SUMF2: variants seen among roughly 807,000 people sequenced by gnomAD.
The protein encoded by SUMF2 is sulfatase modifying factor 2.
In SUMF2, 45 loss-of-function variants were observed where a neutral mutation model predicts 44.8. The ratio of observed to expected loss-of-function variants is 1.00; its 90% CI spans 0.79 to 1.29. The LOEUF is 1.29. Ranked by LOEUF, SUMF2 falls within the 50% of genes most tolerant of loss-of-function variation. The pLI, the probability that SUMF2 is intolerant of heterozygous loss-of-function variation, is 0.00. For synonymous variants in SUMF2, 148 were observed against 150.4 expected, an observed-to-expected ratio of 0.98 and a Z score of 0.12; for missense variants, 418 against 389.9, an observed-to-expected ratio of 1.07 and a Z score of -0.61.
chr7:56,069,676 G>T (rs369292660), intron 2 of SUMF2, among the ~76,000 whole-genome samples: 1 of 151,564 alleles, frequency 6.6e-6, no homozygotes, highest in Non-Finnish European at 1.5e-5. Context: ...ATCTCAGCTC[G>T]CTGCAGCCTC....
chr7:56,084,187 A>G (rs1331099286), downstream of SUMF2: 127 of 1,534,654 alleles, frequency 8.3e-5, no homozygotes, highest in Non-Finnish European at 1.1e-4. Context: ...TGGACTTGGG[A>G]GAGTCCCAGC....
rs1795874456 is a variant in SUMF2, at chr7:56,080,012, TG to T, written c.*402del. 4.8e-6 allele frequency: 4 copies of T among 832,860 alleles called. No individual in the cohort carries two copies. The highest frequency in any genetic ancestry group is 7.4e-6 in the Non-Finnish European group (4 of 544,082). The allele number at this position is 832,860 out of a possible 1,614,324, so 51.6% of individuals were successfully genotyped here. ...TTGTTTCCTCAAGGCAGAATTTTCC[TG>T]GTTCTGTTTTCTCAGCCAGTTGCTG... On this transcript the variant is annotated 3_prime_UTR_variant, in exon 9 of 9. Coordinates refer to ENST00000434526, the MANE Select transcript of SUMF2 (RefSeq NM_015411.4).
chr7:56,069,542 C>T (rs1795027138), intron 2 of SUMF2, among the ~76,000 whole-genome samples: 1 of 151,732 alleles, frequency 6.6e-6, no homozygotes, highest in Non-Finnish European at 1.5e-5. Context: ...ACAGTCTGCC[C>T]CCTGAAACTT....
chr7:56,083,313 A>G (rs1287096715), downstream of SUMF2: 1 of 1,614,030 alleles, frequency 6.2e-7, no homozygotes, highest in Non-Finnish European at 8.5e-7. Flanking sequence ...CTGGCAGGAA[A>G]AGCCAAAGTC....
At chr7:56,077,050 T>C (rs1795610392) in intron 6 of SUMF2, among the ~76,000 whole-genome samples, 161 bp downstream of exon 6, 1 of 149,288 alleles carries the variant, frequency 6.7e-6, no homozygotes, top group Non-Finnish European at 1.5e-5. Flanking sequence ...GTGCTTTCTT[T>C]TTTTTTTTTT....
the SUMF2 span, chr7:56,087,612 C>T: frequency 5.0e-6 from 8 of 1,613,614 alleles, no homozygotes; most frequent in South Asian, 7.7e-5. Flanking sequence ...GTTGGGGTGC[C>T]CTGAGACCTT....
chr7:56,083,480 A>G (rs192467366), downstream of SUMF2: 33 of 1,608,872 alleles, frequency 2.1e-5, no homozygotes, highest in African/African-American at 4.3e-4. Flanking sequence ...TCCTCTGCTC[A>G]GGGTCAGGTA....
At chr7:56,080,726 T>TAGATCTCGGTGGTCGC, downstream of SUMF2, 1 of 360,016 alleles carries the variant, frequency 2.8e-6, no homozygotes, top group East Asian at 6.0e-5. Context: ...AGCCTGAGTG[T>TAGATCTCGGTGGTCGC]CAGTAACTCT....
In SUMF2 at chr7:56,078,351, G is replaced by A. The variant is rs753099729; in HGVS notation, c.677-13G>A. On this transcript the variant is annotated splice_polypyrimidine_tract_variant and intron_variant, in intron 7 of 8. Transcript: ENST00000434526. ...GGGTCCCAGCCTGGCCTGACCCGCC[G>A]GTGGGGCTGCAGGGCTCTATGACCT... 3.4e-5 allele frequency: 54 copies of A among 1,586,852 alleles called. No homozygotes were observed. Among genetic ancestry groups the A allele is most frequent in the Middle Eastern group, 1.7e-4 (1 of 5,918 alleles).
Position 56,068,638 on chromosome 7 carries a change from G to A in SUMF2, c.224G>A (p.Arg75Lys). 2 of 1,612,584 alleles carry A rather than the reference G, an allele frequency of 1.2e-6. No homozygotes were observed. Among genetic ancestry groups the A allele is most frequent in the Non-Finnish European group, 1.7e-6 (2 of 1,179,380 alleles). ...TTTCCTGTCACCAACAAAGATTTCAGGTACATCAGGTATTCTTCCAGGAGG... is the reference window on the plus strand; with the variant it reads ...TTTCCTGTCACCAACAAAGATTTCAAGTACATCAGGTATTCTTCCAGGAGG... ...DIFPVTNKDF[R>K]DFVREKKYRT... is the part of the protein sequence containing the mutation. The change falls in exon 2 of 9, where the codon AGG becomes AAG. Residue 75 changes from arginine to lysine, a missense_variant and splice_region_variant. By Grantham distance (26) the Arg-to-Lys change is conservative (BLOSUM62 2). Coordinates refer to ENST00000434526, the MANE Select transcript of SUMF2 (RefSeq NM_015411.4).
downstream of SUMF2, chr7:56,081,444 G>T: frequency 7.7e-7 from 1 of 1,291,744 alleles, no homozygotes; most frequent in East Asian, 2.4e-5. The surrounding 1 kb of genome is among the most constrained non-coding windows in gnomAD (Gnocchi z 4.6). Flanking sequence ...CTTCCCACTT[G>T]GCCAGCATCC....
At chr7:56,082,168 C>T (rs201139713), downstream of SUMF2, 257 of 1,613,866 alleles carry the variant, frequency 1.6e-4, 5 homozygotes, top group South Asian at 2.7e-3. Context: ...CTCACATGTC[C>T]ACCTCTTTCC....
chr7:56,068,648 G>C lies in SUMF2; in HGVS notation c.224+10G>C, dbSNP rs1425879543. The C allele has an allele frequency of 6.2e-7, 1 of 1,611,166 alleles. No individual in the cohort carries two copies. The highest frequency in any genetic ancestry group is 8.5e-7 in the Non-Finnish European group (1 of 1,178,834). On this transcript the variant is annotated intron_variant, in intron 2 of 8. Coordinates refer to ENST00000434526, the MANE Select transcript of SUMF2 (RefSeq NM_015411.4). Reference sequence around the variant, plus strand: ...CCAACAAAGATTTCAGGTACATCAGGTATTCTTCCAGGAGGAATGAAGACC... The same window carrying C: ...CCAACAAAGATTTCAGGTACATCAGCTATTCTTCCAGGAGGAATGAAGACC...
Position 56,064,882 on chromosome 7 carries a change from C to CAA in SUMF2, c.67+531_67+532dup, listed in dbSNP as rs71015175. On this transcript the variant is annotated intron_variant, in intron 1 of 8. Coordinates refer to ENST00000434526, the MANE Select transcript of SUMF2 (RefSeq NM_015411.4). ...TGGGCGACAGATCGATACTTTATCT[C>CAA]AAAAAAAAAAAAAAAAAAAAAAAAA... Among the ~76,000 whole-genome samples the CAA allele has an allele frequency of 4.3e-3, 62 of 14,310 alleles. 9 individuals carry two copies. The highest frequency in any genetic ancestry group is 9.8e-3 in the African/African-American group (30 of 3,050). The allele number at this position is 14,310 out of a possible 152,430, so 9.4% of individuals were successfully genotyped here.
chr7:56,064,450 C>T (rs1417374493), intron 1 of SUMF2, 72 bp downstream of exon 1: 2 of 1,504,690 alleles, frequency 1.3e-6, no homozygotes, highest in Admixed American at 2.6e-5. Flanking sequence ...CGGGAGAGAG[C>T]CTTAGGCCCT....
At chr7:56,073,689 ATAAG>A (rs1562865225) in intron 3 of SUMF2, 4 of 178,986 alleles carry the variant, frequency 2.2e-5, no homozygotes, top group Non-Finnish European at 4.8e-5. Flanking sequence ...CCAACCTCTA[ATAAG>A]GGTGGTAAGA....
intron 1 of SUMF2, among the ~76,000 whole-genome samples, chr7:56,066,723 C>T (rs1047097436): frequency 4.6e-5 from 7 of 152,220 alleles, no homozygotes; most frequent in Non-Finnish European, 1.0e-4. Flanking sequence ...CGGGTGCAAG[C>T]GATTCTCCTG....
chr7:56,064,296 C>T lies in SUMF2; in HGVS notation c.-16C>T. The T allele has an allele frequency of 6.3e-7, 1 of 1,580,396 alleles. No homozygotes were observed. Among genetic ancestry groups the T allele is most frequent in the Non-Finnish European group, 8.6e-7 (1 of 1,163,458 alleles). On this transcript the variant is annotated 5_prime_UTR_variant, in exon 1 of 9. Transcript: ENST00000434526. Reference sequence around the variant, plus strand: ...AGCGGGGCCGTGGGTGTACGCGGCGCAGCGCGGCAGTCCTGATGGCCCGGC... The same window carrying T: ...AGCGGGGCCGTGGGTGTACGCGGCGTAGCGCGGCAGTCCTGATGGCCCGGC...
intron 5 of SUMF2, among the ~76,000 whole-genome samples, chr7:56,076,065 C>T (rs867173412): frequency 2.2e-5 from 3 of 134,520 alleles, no homozygotes; most frequent in South Asian, 2.3e-4. Flanking sequence ...GTCGCTGTGT[C>T]GCCCAGGCTG....
Sources: allele counts gnomAD v4.1 joint callset (sites outside exome capture counted in the v4.1 genomes callset), GRCh38; gene constraint gnomAD v4.1.1; non-coding constraint Gnocchi (gnomAD v3.1); transcripts MANE v1.5; gene names NCBI Gene and HGNC (gene_info 2026-07-23, HGNC 2026-07-21).